BRIX1: variants seen among roughly 807,000 people sequenced by gnomAD.
The protein encoded by BRIX1 is ribosome biogenesis protein BRX1 homolog.
In BRIX1, 15 loss-of-function variants were observed where a neutral mutation model predicts 44.0. The observed-to-expected ratio is 0.34, with a 90% CI of 0.23 to 0.53. The LOEUF (loss-of-function observed/expected upper bound fraction) is 0.53, where lower values mean the gene tolerates loss of function less well. Ranked by LOEUF, BRIX1 falls within the 20% of genes least tolerant of loss-of-function variation. The pLI is 0.95. For missense variants in BRIX1, 420 were observed against 432.8 expected, an observed-to-expected ratio of 0.97 and a Z score of 0.26; for synonymous variants, 149 against 135.4, an observed-to-expected ratio of 1.10 and a Z score of -0.70.
Position 34,925,606 on chromosome 5 carries a change from C to T in BRIX1, c.*111C>T. 1.1e-6 allele frequency: 1 copy of T among 886,336 alleles called. No individual in the cohort carries two copies. The allele number at this position is 886,336 out of a possible 1,614,324, so 54.9% of individuals were successfully genotyped here. A position where few individuals can be genotyped will look rare whatever the true frequency, so the allele number is the denominator to read the frequency against. ...TTACGTCTAATTAGTGTAGCATTTA[C>T]AAGAAAGAAAAATTAAGATCTTAAA... On this transcript the variant is annotated 3_prime_UTR_variant, in exon 10 of 10. Transcript: ENST00000336767.
At chr5:34,917,957 G>C (rs1764152797) in intron 1 of BRIX1, 1 of 153,358 alleles carries the variant, frequency 6.5e-6, no homozygotes. Context: ...ATGTTGGTGA[G>C]AGATGAAATT....
intron 3 of BRIX1, chr5:34,921,926 AAGG>A (rs1447310411): frequency 3.3e-5 from 6 of 182,708 alleles, no homozygotes; most frequent in Admixed American, 6.2e-5. Context: ...AAAAAAAAAA[AAGG>A]AGGGAGGTTT....
chr5:34,918,781 T>A, intron 2 of BRIX1: 2 of 208,644 alleles, frequency 9.6e-6, no homozygotes, highest in Non-Finnish European at 1.9e-5. Flanking sequence ...TGGTTTGTCC[T>A]AAGTGCTAAG....
intron 3 of BRIX1, chr5:34,921,905 CGCAA>C (rs1561172631): frequency 1.2e-4 from 15 of 129,480 alleles, no homozygotes; most frequent in South Asian, 2.6e-4. Flanking sequence ...GAAACTGCAT[CGCAA>C]AAAAAAAAAA....
At chr5:34,916,093 A>G in intron 1 of BRIX1, 196 bp downstream of exon 1, 1 of 570,478 alleles carries the variant, frequency 1.8e-6, no homozygotes, top group Non-Finnish European at 2.8e-6. Flanking sequence ...GTCTTCCTGG[A>G]GGCGGCGGGT....
chr5:34,920,155 G>T lies in BRIX1; in HGVS notation c.315+272G>T, dbSNP rs552258343. 13 of 215,558 alleles carry T rather than the reference G, an allele frequency of 6.0e-5. No individual in the cohort carries two copies. The East Asian group carries it at 1.2e-3, about 20-fold the overall frequency. 13.4% of individuals were successfully genotyped at this position (215,558 alleles called of 1,614,324 possible). ...TTAACCCTGTAGTGTCTAGTATTAT[G>T]CTAAATCCATAGTAGGTACTCAAAA... On this transcript the variant is annotated intron_variant, in intron 3 of 9. Coordinates refer to ENST00000336767, the MANE Select transcript of BRIX1 (RefSeq NM_018321.4).
Position 34,923,135 on chromosome 5 carries a change from C to G in BRIX1, c.564C>G (p.Ile188Met), listed in dbSNP as rs575194758. 1.2e-6 allele frequency: 2 copies of G among 1,612,398 alleles called. No individual in the cohort carries two copies. Among genetic ancestry groups the G allele is most frequent in the Non-Finnish European group, 1.7e-6 (2 of 1,178,460 alleles). ...CTAACATACACTTTTTTAACTAGATCTTTAGTACACCACGGTATCATCCCA... is the reference window on the plus strand; with the variant it reads ...CTAACATACACTTTTTTAACTAGATGTTTAGTACACCACGGTATCATCCCA... ...YALLKELLIQ[I>M]FSTPRYHPKS... Residue 188 changes from isoleucine to methionine, a missense_variant and splice_region_variant, in exon 8 of 10, where the codon ATC (isoleucine) becomes ATG (methionine). Physicochemically the swap from Ile to Met is conservative, Grantham distance 10. Transcript: ENST00000336767.
chr5:34,925,083 T>C lies in BRIX1; in HGVS notation c.792+108T>C, dbSNP rs1764343476. The C allele has an allele frequency of 6.8e-6, 10 of 1,478,168 alleles. No homozygotes were observed. In the Admixed American group the frequency reaches 2.4e-4, roughly 36 times the overall value. The allele number at this position is 1,478,168 out of a possible 1,614,324, so 91.6% of individuals were successfully genotyped here. On this transcript the variant is annotated intron_variant, in intron 9 of 9. Coordinates refer to ENST00000336767, the MANE Select transcript of BRIX1 (RefSeq NM_018321.4). ...TTACCTGTGAAACTGAATTTGGTTTTTGCTGCATAGAAACTTGGAAATTAC... is the reference window on the plus strand; with the variant it reads ...TTACCTGTGAAACTGAATTTGGTTTCTGCTGCATAGAAACTTGGAAATTAC...
At chr5:34,922,194 T>C in intron 3 of BRIX1, 23 bp from the exon 4 acceptor site, 3 of 1,357,646 alleles carry the variant, frequency 2.2e-6, no homozygotes, top group Non-Finnish European at 2.1e-6. Context: ...CTACTTCATT[T>C]TCCTATACTT....
intron 3 of BRIX1, chr5:34,921,907 CA>C (rs57343458): frequency 0.052 from 1,843 of 35,366 alleles, 5 homozygotes; most frequent in Middle Eastern, 0.088. Context: ...AACTGCATCG[CA>C]AAAAAAAAAA....
At position 34,924,106 on chromosome 5, in the gene BRIX1, C is replaced by T. The variant is rs531418161; in HGVS notation, c.664-741C>T. Among the ~76,000 whole-genome samples the T allele has an allele frequency of 2.6e-5, 4 of 152,198 alleles. No homozygotes were observed. In the South Asian group the frequency reaches 6.2e-4, roughly 24 times the overall value. ...TGCTCTAGAAGGCATTCAATGGCAGCGGTTAGATGATGAGTCACACAGTGA... is the reference window on the plus strand; with the variant it reads ...TGCTCTAGAAGGCATTCAATGGCAGTGGTTAGATGATGAGTCACACAGTGA... On this transcript the variant is annotated intron_variant, in intron 8 of 9. Coordinates refer to ENST00000336767, the MANE Select transcript of BRIX1 (RefSeq NM_018321.4).
intron 8 of BRIX1, among the ~76,000 whole-genome samples, chr5:34,923,656 C>G (rs1764290310): frequency 6.6e-6 from 1 of 152,150 alleles, no homozygotes; most frequent in Non-Finnish European, 1.5e-5. Context: ...ATCATTCCTC[C>G]TCAGCATCTT....
Position 34,925,262 on chromosome 5 carries a change from T to C in BRIX1, c.829T>C (p.Tyr277His). 1.2e-6 allele frequency: 2 copies of C among 1,609,372 alleles called. No individual in the cohort carries two copies. The highest frequency in any genetic ancestry group is 1.7e-6 in the Non-Finnish European group (2 of 1,178,904). ...CATAAGATCCATCACAGCTGCAAAATACAGAGAGAAACAGCAAGTGAAAGA... is the reference window on the plus strand; with the variant it reads ...CATAAGATCCATCACAGCTGCAAAACACAGAGAGAAACAGCAAGTGAAAGA... ...RVIRSITAAK[Y>H]REKQQVKDVQ... Residue 277 changes from tyrosine (Y) to histidine (H), a missense_variant, in exon 10 of 10, where the codon TAC (tyrosine) becomes CAC (histidine). Coordinates refer to ENST00000336767, the MANE Select transcript of BRIX1 (RefSeq NM_018321.4).
chr5:34,918,874 A>G (rs1335504219), intron 2 of BRIX1: 1 of 140,482 alleles, frequency 7.1e-6, no homozygotes. Context: ...ATAGAATTCA[A>G]AGCACTTTTT....
chr5:34,925,592 T>G lies in BRIX1; in HGVS notation c.*97T>G. 9.9e-7 allele frequency: 1 copy of G among 1,009,484 alleles called. No homozygotes were observed. Among genetic ancestry groups the G allele is most frequent in the African/African-American group, 1.6e-5 (1 of 60,920 alleles). 62.5% of individuals were successfully genotyped at this position (1,009,484 alleles called of 1,614,324 possible). A position where few individuals can be genotyped will look rare whatever the true frequency, so the allele number is the denominator to read the frequency against. On this transcript the variant is annotated 3_prime_UTR_variant, in exon 10 of 10. Coordinates refer to ENST00000336767, the MANE Select transcript of BRIX1 (RefSeq NM_018321.4). The stretch of plus-strand genomic sequence containing the variant: ...TATCTAATACTATCTTACGTCTAAT[T>G]AGTGTAGCATTTACAAGAAAGAAAA...
chr5:34,920,043 CA>C, intron 3 of BRIX1, 160 bp downstream of exon 3: 3 of 461,222 alleles, frequency 6.5e-6, no homozygotes, highest in Non-Finnish European at 1.2e-5. Context: ...TTTTATCTCT[CA>C]CAGTTTAGTG....
intron 8 of BRIX1, among the ~76,000 whole-genome samples, chr5:34,923,653 C>G (rs950317312): frequency 6.6e-6 from 1 of 152,150 alleles, no homozygotes; most frequent in Non-Finnish European, 1.5e-5. Context: ...CAAATCATTC[C>G]TCCTCAGCAT....
At chr5:34,921,888 CA>C (rs1764244503) in intron 3 of BRIX1, 1 of 117,276 alleles carries the variant, frequency 8.5e-6, no homozygotes, top group Non-Finnish European at 1.6e-5. Flanking sequence ...GCCTGGGCAA[CA>C]AGAGCGAAAC....
chr5:34,916,067 C>G lies in BRIX1; in HGVS notation c.159+170C>G, dbSNP rs1006349548. On this transcript the variant is annotated intron_variant, in intron 1 of 9. Transcript: ENST00000336767. ...ACTGGGCACGGAGTTTGCAGCTAAT[C>G]CTTGTGCACGTGGCCGTCTTCCTGG... 6.9e-6 allele frequency: 5 copies of G among 726,252 alleles called. No individual in the cohort carries two copies. In the African/African-American group the frequency reaches 7.3e-5, roughly 11 times the overall value. The allele number at this position is 726,252 out of a possible 1,614,324, so 45.0% of individuals were successfully genotyped here. A position where few individuals can be genotyped will look rare whatever the true frequency, so the allele number is the denominator to read the frequency against.
Sources: allele counts gnomAD v4.1 joint callset (sites outside exome capture counted in the v4.1 genomes callset), GRCh38; gene constraint gnomAD v4.1.1; transcripts MANE v1.5; gene names NCBI Gene and HGNC (gene_info 2026-07-23, HGNC 2026-07-21).